EPAS1: variants seen among roughly 807,000 people sequenced by gnomAD.
EPAS1 encodes the protein endothelial PAS domain-containing protein 1.
A neutral mutation model predicts 87.9 loss-of-function variants in EPAS1; 23 were observed. The ratio of observed to expected loss-of-function variants is 0.26; its 90% CI spans 0.19 to 0.37. EPAS1 has a LOEUF of 0.37. Ranked by LOEUF, EPAS1 falls within the 10% of genes least tolerant of loss-of-function variation. The pLI, the probability that EPAS1 is intolerant of heterozygous loss-of-function variation, is 1.00. For synonymous variants in EPAS1, 508 were observed against 444.3 expected, an observed-to-expected ratio of 1.14 and a Z score of -1.80; for missense variants, 1,138 against 1,120.7, an observed-to-expected ratio of 1.02 and a Z score of -0.22.
chr2:46,349,321 C>T (rs949737318), intron 2 of EPAS1, among the ~76,000 whole-genome samples: 2 of 152,270 alleles, frequency 1.3e-5, no homozygotes, highest in East Asian at 1.9e-4. Flanking sequence ...AGGTTGGCCT[C>T]GAAAAGGCCA....
At chr2:46,315,875 C>A (rs1461437770) in intron 1 of EPAS1, among the ~76,000 whole-genome samples, 2 of 152,262 alleles carry the variant, frequency 1.3e-5, no homozygotes, top group Non-Finnish European at 2.9e-5. Flanking sequence ...GCACACACAT[C>A]TATCTCCATG....
intron 1 of EPAS1, among the ~76,000 whole-genome samples, chr2:46,307,483 G>C (rs1159312438): frequency 6.6e-6 from 1 of 152,160 alleles, no homozygotes; most frequent in Middle Eastern, 3.2e-3. Context: ...CTGTACCCGG[G>C]ACTTAGGGGG....
intron 1 of EPAS1, among the ~76,000 whole-genome samples, chr2:46,321,942 G>A (rs1386133362): frequency 6.6e-6 from 1 of 152,130 alleles, no homozygotes; most frequent in Non-Finnish European, 1.5e-5. Flanking sequence ...AGGCCTTTGG[G>A]ACTTAAGTAA....
intron 1 of EPAS1, among the ~76,000 whole-genome samples, chr2:46,314,302 G>A (rs1490749242): frequency 3.9e-5 from 6 of 152,326 alleles, no homozygotes; most frequent in African/African-American, 1.4e-4. Flanking sequence ...ATTAGCAATT[G>A]TCAGGTCAGG....
chr2:46,339,865 C>T (rs191120038), intron 1 of EPAS1, among the ~76,000 whole-genome samples: 4 of 152,206 alleles, frequency 2.6e-5, no homozygotes, highest in Admixed American at 2.6e-4. Context: ...GAGGGTTCCC[C>T]TGGGCCTCCT....
intron 1 of EPAS1, among the ~76,000 whole-genome samples, chr2:46,341,742 A>G (rs1448868743): frequency 1.3e-5 from 2 of 152,122 alleles, no homozygotes; most frequent in East Asian, 1.9e-4. Flanking sequence ...CTGGAAATCT[A>G]TGTTTTCATA....
In EPAS1 at chr2:46,384,792, GC is replaced by G; in HGVS notation, c.*135del. The G allele has an allele frequency of 8.2e-7, 1 of 1,224,606 alleles. No homozygotes were observed. The highest frequency in any genetic ancestry group is 1.2e-6 in the Non-Finnish European group (1 of 869,348). 75.9% of individuals were successfully genotyped at this position (1,224,606 alleles called of 1,614,324 possible). On this transcript the variant is annotated 3_prime_UTR_variant, in exon 16 of 16. Coordinates refer to ENST00000263734, the MANE Select transcript of EPAS1 (RefSeq NM_001430.5). ...CAAGATGGACTTACCTGGCAGACTT[GC>G]CCAGGTCACCAAGCAGTGGCCTTTT... is the stretch of plus-strand genomic sequence containing the variant.
At position 46,382,030 on chromosome 2, in the gene EPAS1, T is replaced by G. The variant is rs1266511659; in HGVS notation, c.2228T>G (p.Leu743Arg). The G allele has an allele frequency of 1.2e-6, 2 of 1,613,778 alleles. No individual in the cohort carries two copies. The highest frequency in any genetic ancestry group is 1.7e-6 in the Non-Finnish European group (2 of 1,180,004). ...TTGATGTGGAAACGGATGAAGAACC[T>G]CAGGGGTGGGAGCTGCCCTTTGATG... The part of the protein sequence containing the change: ...SHLMWKRMKN[L>R]RGGSCPLMPD... The change falls in exon 14 of 16, where the codon CTC becomes CGC. Residue 743 changes from leucine (L) to arginine (R), a missense_variant. Leu to Arg is a moderately radical substitution (Grantham distance 102). Around this residue, in one of 4 missense-constraint regions of EPAS1, gnomAD observed 502 missense variants for 427.1 expected, o/e 1.18. Coordinates refer to ENST00000263734, the MANE Select transcript of EPAS1 (RefSeq NM_001430.5).
At chr2:46,324,855 A>G (rs781109704) in intron 1 of EPAS1, among the ~76,000 whole-genome samples, 15 of 152,218 alleles carry the variant, frequency 9.9e-5, no homozygotes, top group Non-Finnish European at 2.1e-4. Context: ...TCTGCTCTAC[A>G]CTGAAAACGA....
chr2:46,378,613 A>C, intron 10 of EPAS1, 44 bp from the exon 11 acceptor site: 1 of 1,534,780 alleles, frequency 6.5e-7, no homozygotes, highest in Non-Finnish European at 9.0e-7. Context: ...TGGGGAGACC[A>C]GTGCCATATC....
chr2:46,370,568 C>T (rs1684607938), intron 7 of EPAS1, among the ~76,000 whole-genome samples: 1 of 152,174 alleles, frequency 6.6e-6, no homozygotes, highest in Admixed American at 6.5e-5. Context: ...CTCTGCTTTG[C>T]AGTTTGAAAG....
Position 46,375,786 on chromosome 2 carries a change from A to C in EPAS1, c.983A>C (p.Asn328Thr). 2 of 1,614,132 alleles carry C rather than the reference A, an allele frequency of 1.2e-6. No homozygotes were observed. Among genetic ancestry groups the C allele is most frequent in the Non-Finnish European group, 1.7e-6 (2 of 1,180,014 alleles). Residue 328 changes from asparagine to threonine, a missense_variant, in exon 8 of 16, where the codon AAC (asparagine) becomes ACC (threonine). Physicochemically the swap from Asn to Thr is moderately conservative, Grantham distance 65. Coordinates refer to ENST00000263734, the MANE Select transcript of EPAS1 (RefSeq NM_001430.5). The surrounding 1 kb of genome is among the most constrained non-coding windows in gnomAD (Gnocchi z 4.1). The stretch of plus-strand genomic sequence containing the variant: ...GAGACCCAGGGGACGGTCATCTACA[A>C]CCCTCGCAACCTGCAGCCCCAGTGC... ...WLETQGTVIY[N>T]PRNLQPQCIM...
At chr2:46,335,357 G>A (rs1427957290) in intron 1 of EPAS1, among the ~76,000 whole-genome samples, 1 of 152,046 alleles carries the variant, frequency 6.6e-6, no homozygotes, top group Non-Finnish European at 1.5e-5. Context: ...TACTTGAAAA[G>A]AGTTCTGACA....
At chr2:46,373,454 GAAT>G (rs1402515085) in intron 7 of EPAS1, among the ~76,000 whole-genome samples, 3 of 152,150 alleles carry the variant, frequency 2.0e-5, no homozygotes, top group African/African-American at 7.2e-5. Context: ...TGATGAAAAG[GAAT>G]AAACCACAAA....
At chr2:46,339,120 G>A (rs1683856682) in intron 1 of EPAS1, among the ~76,000 whole-genome samples, 1 of 152,226 alleles carries the variant, frequency 6.6e-6, no homozygotes, top group African/African-American at 2.4e-5. Context: ...GCCACATGAT[G>A]TGATATTGCT....
At position 46,370,164 on chromosome 2, in the gene EPAS1, G is replaced by A. The variant is rs764886065; in HGVS notation, c.886+231G>A. 1.1e-3 allele frequency among the ~76,000 whole-genome samples: 174 copies of A among 152,328 alleles called. 1 individual carries two copies. The highest frequency in any genetic ancestry group is 1.5e-3 in the Non-Finnish European group (100 of 68,032). ...ACACTTCCTCCAGGGAGATGCACCC[G>A]TGCCAAGGTGCACAGCTGAGGCAGT... is the stretch of plus-strand genomic sequence containing the variant. On this transcript the variant is annotated intron_variant, in intron 7 of 15. Coordinates refer to ENST00000263734, the MANE Select transcript of EPAS1 (RefSeq NM_001430.5).
intron 11 of EPAS1, 145 bp downstream of exon 11, chr2:46,378,912 G>T: frequency 1.3e-6 from 1 of 763,572 alleles, no homozygotes. Context: ...TAAAGAGGTA[G>T]GGGTACAGGG....
At chr2:46,305,962 G>A (rs1348254664) in intron 1 of EPAS1, among the ~76,000 whole-genome samples, 1 of 152,154 alleles carries the variant, frequency 6.6e-6, no homozygotes, top group African/African-American at 2.4e-5. Flanking sequence ...TTCTGTAACG[G>A]GTTGAGTGTT....
intron 1 of EPAS1, among the ~76,000 whole-genome samples, chr2:46,344,288 C>G (rs919673507): frequency 6.6e-6 from 1 of 152,176 alleles, no homozygotes; most frequent in Admixed American, 6.5e-5. Flanking sequence ...GCCTCTTCTT[C>G]GAGGAAGGGG....
Sources: gnomAD v4.1 joint callset for allele counts (sites outside exome capture counted in the v4.1 genomes callset) on GRCh38, gnomAD v4.1.1 for gene constraint, gnomAD v4.1.1 regional missense constraint, Gnocchi (gnomAD v3.1) non-coding constraint, MANE v1.5 for transcripts, NCBI Gene and HGNC (gene_info 2026-07-23, HGNC 2026-07-21) for gene names.